The following VPS35 variants were observed in gnomAD, a reference collection of about 807,000 sequenced individuals.
The protein encoded by VPS35 is vacuolar protein sorting-associated protein 35.
In VPS35, 21 loss-of-function variants were observed where a neutral mutation model predicts 98.1. The observed-to-expected ratio is 0.21, with a 90% confidence interval of 0.15 to 0.31. The LOEUF (loss-of-function observed/expected upper bound fraction) is 0.31. Among genes scored for constraint, VPS35 ranks in the 10% least tolerant of loss-of-function variants. VPS35 has a pLI of 1.00. For missense variants in VPS35, 554 were observed against 950.8 expected (o/e 0.58, Z 5.49); for synonymous variants, 268 against 318.2 (o/e 0.84, Z 1.68).
chr16:46,675,194 C>T (rs1966130342), intron 8 of VPS35, among the ~76,000 whole-genome samples: 1 of 151,906 alleles, frequency 6.6e-6, no homozygotes, highest in Admixed American at 6.6e-5. Flanking sequence ...ATAATTCTCT[C>T]AACTCTTTGA....
Position 46,660,833 on chromosome 16 carries a change from A to AC in VPS35, c.2212-183_2212-182insG, listed in dbSNP as rs1243901578. 10 of 688,402 alleles carry AC rather than the reference A, an allele frequency of 1.5e-5. No individual in the cohort carries two copies. The East Asian group carries it at 2.3e-4, about 16-fold the overall frequency. 42.6% of individuals were successfully genotyped at this position (688,402 alleles called of 1,614,324 possible). On this transcript the variant is annotated intron_variant, in intron 16 of 16. Transcript: ENST00000299138. ...ATTACTGACTATCAAAAAAAAAAAA[A>AC]AAAAAACAACCCTTTAAAACAAGCA...
At chr16:46,685,881 A>C (rs1384476799) in intron 1 of VPS35, among the ~76,000 whole-genome samples, 1 of 152,168 alleles carries the variant, frequency 6.6e-6, no homozygotes, top group Non-Finnish European at 1.5e-5. Flanking sequence ...GATATTTTTA[A>C]TTAAAAATGA....
chr16:46,669,304 T>G (rs1423370590), intron 12 of VPS35: 1 of 500,690 alleles, frequency 2.0e-6, no homozygotes, highest in East Asian at 3.9e-5. Flanking sequence ...AGGTAGCGAG[T>G]TAGAAGCAAA....
At chr16:46,676,192 T>G (rs1296744664) in intron 8 of VPS35, among the ~76,000 whole-genome samples, 3 of 151,914 alleles carry the variant, frequency 2.0e-5, no homozygotes, top group African/African-American at 2.4e-5. Flanking sequence ...TTTTCAATCA[T>G]CAGTATCTTA....
chr16:46,679,264 T>TA (rs1181837589), intron 5 of VPS35, 108 bp from the exon 6 acceptor site: 20 of 1,042,852 alleles, frequency 1.9e-5, no homozygotes, highest in Non-Finnish European at 2.8e-5. Flanking sequence ...CAATGCTTTA[T>TA]AAAAAATCAC....
chr16:46,663,130 A>C lies in VPS35; in HGVS notation c.1680T>G (p.Ile560Met). 1 of 1,614,176 alleles carries C rather than the reference A, an allele frequency of 6.2e-7. No homozygotes were observed. Among genetic ancestry groups the C allele is most frequent in the Non-Finnish European group, 8.5e-7 (1 of 1,180,022 alleles). ...DDKWEKKCQKIFSFAHQTISA... is the reference protein window; with the variant it reads ...DDKWEKKCQKMFSFAHQTISA... ...TGATAGTCTGGTGGGCAAATGAAAA[A>C]ATCTTCTGGCATTTCTTTTCCCATT... The change falls in exon 14 of 17, where the codon ATT becomes ATG. Residue 560 changes from isoleucine to methionine, a missense_variant. Transcript: ENST00000299138.
chr16:46,671,062 C>G (rs1320447949), intron 12 of VPS35, among the ~76,000 whole-genome samples: 1 of 151,628 alleles, frequency 6.6e-6, no homozygotes, highest in Non-Finnish European at 1.5e-5. Flanking sequence ...ATGTTTTATC[C>G]ATTTCACAAT....
At chr16:46,666,400 C>G (rs1965989800) in intron 13 of VPS35, among the ~76,000 whole-genome samples, 1 of 151,980 alleles carries the variant, frequency 6.6e-6, no homozygotes, top group Admixed American at 6.6e-5. Flanking sequence ...TCCCGAGTAG[C>G]TGGGACTACA....
chr16:46,688,728 C>T (rs1271361478), intron 1 of VPS35: 13 of 1,185,208 alleles, frequency 1.1e-5, no homozygotes, highest in South Asian at 2.2e-5. Flanking sequence ...CTGGGCGGGT[C>T]CCGGCGCCAC....
chr16:46,660,425 C>T lies in VPS35; in HGVS notation c.*47G>A, dbSNP rs1965894080. The T allele has an allele frequency of 6.2e-7, 1 of 1,606,754 alleles. No individual in the cohort carries two copies. Among genetic ancestry groups the T allele is most frequent in the Admixed American group, 1.7e-5 (1 of 59,956 alleles). On this transcript the variant is annotated 3_prime_UTR_variant, in exon 17 of 17. Coordinates refer to ENST00000299138, the MANE Select transcript of VPS35 (RefSeq NM_018206.6). Reference sequence around the variant, plus strand: ...GGAAGGGAAACCTAGCGTAATAAAACCCTCACTGGATGTACATGGAAAGGA... The same window carrying T: ...GGAAGGGAAACCTAGCGTAATAAAATCCTCACTGGATGTACATGGAAAGGA...
chr16:46,663,247 G>T, intron 13 of VPS35, 85 bp from the exon 14 acceptor site: 1 of 1,243,836 alleles, frequency 8.0e-7, no homozygotes. Context: ...ACAAAATACT[G>T]TAAGTTGTGT....
chr16:46,683,411 T>G, intron 2 of VPS35, 97 bp downstream of exon 2: 3 of 1,154,962 alleles, frequency 2.6e-6, no homozygotes, highest in African/African-American at 1.5e-5. Flanking sequence ...ACGGTGAAGA[T>G]TAGATTTACC....
At chr16:46,688,580 G>T in intron 1 of VPS35, 4 of 994,660 alleles carry the variant, frequency 4.0e-6, no homozygotes, top group Non-Finnish European at 4.8e-6. Context: ...CATGTAAGCA[G>T]GTCCCCAGAA....
rs1965852800 is a variant in VPS35 at position 46,657,516 on chromosome 16, C to CAAGT, written c.*2955_*2956insACTT. 6.6e-6 allele frequency: 1 copy of CAAGT among 152,138 alleles called. No individual in the cohort carries two copies. Among genetic ancestry groups the CAAGT allele is most frequent in the South Asian group, 2.1e-4 (1 of 4,828 alleles). The allele number at this position is 152,138 out of a possible 1,614,324, so 9.4% of individuals were successfully genotyped here. On this transcript the variant is annotated 3_prime_UTR_variant, in exon 17 of 17. Coordinates refer to ENST00000299138, the MANE Select transcript of VPS35 (RefSeq NM_018206.6). ...TCTCAATGCCTTTGAGAGCTGCACACGAACTGTACACAAGTGCTCATCATT... is the reference window on the plus strand; with the variant it reads ...TCTCAATGCCTTTGAGAGCTGCACACAAGTGAACTGTACACAAGTGCTCATCATT...
chr16:46,668,778 G>T, intron 13 of VPS35, 152 bp downstream of exon 13: 2 of 1,075,298 alleles, frequency 1.9e-6, no homozygotes, highest in East Asian at 2.7e-5. Flanking sequence ...CACAGGATAA[G>T]TAACAAATAG....
chr16:46,669,561 G>A (rs1966038485), intron 12 of VPS35, among the ~76,000 whole-genome samples: 1 of 151,922 alleles, frequency 6.6e-6, no homozygotes, highest in Non-Finnish European at 1.5e-5. Flanking sequence ...CAGCTACTGA[G>A]GAGGCTGAGG....
rs1567468411 is a variant in VPS35, at chr16:46,662,963, CAG to C, written c.1827+18_1827+19del. ...ACCCAGCAGAGCTGACATGACAACG[CAG>C]AAAGAACAGATCATCACCTGGGACA... On this transcript the variant is annotated intron_variant, in intron 14 of 16. Coordinates refer to ENST00000299138, the MANE Select transcript of VPS35 (RefSeq NM_018206.6). 6.2e-7 allele frequency: 1 copy of C among 1,614,172 alleles called. No individual in the cohort carries two copies. The highest frequency in any genetic ancestry group is 8.5e-7 in the Non-Finnish European group (1 of 1,179,998).
intron 7 of VPS35, 32 bp from the exon 8 acceptor site, chr16:46,676,724 T>A: frequency 6.9e-7 from 1 of 1,456,116 alleles, no homozygotes; most frequent in South Asian, 1.1e-5. Flanking sequence ...CAAATAAAAG[T>A]ATTTCACGTA....
intron 13 of VPS35, among the ~76,000 whole-genome samples, chr16:46,666,193 C>T (rs1295491033): frequency 6.6e-6 from 1 of 151,608 alleles, no homozygotes; most frequent in African/African-American, 2.4e-5. Context: ...TGTGAGCCAC[C>T]ACACCCAGCC....
Sources: gnomAD v4.1 joint callset for allele counts (sites outside exome capture counted in the v4.1 genomes callset) on GRCh38, gnomAD v4.1.1 for gene constraint, MANE v1.5 for transcripts, NCBI Gene and HGNC (gene_info 2026-07-23, HGNC 2026-07-21) for gene names.